The following KCND2 variants were observed in gnomAD, a reference collection of about 807,000 sequenced individuals.
KCND2 encodes the protein potassium voltage-gated channel subfamily D member 2.
In KCND2, 16 loss-of-function variants were observed where a neutral mutation model predicts 54.4. The ratio of observed to expected loss-of-function variants is 0.29; its 90% CI spans 0.20 to 0.45. KCND2 has a LOEUF of 0.45. Among genes scored for constraint, KCND2 ranks in the 20% least tolerant of loss-of-function variants. The pLI is 1.00. For missense variants in KCND2, 486 were observed against 824.2 expected, an observed-to-expected ratio of 0.59 and a Z score of 5.02; for synonymous variants, 317 against 310.7, an observed-to-expected ratio of 1.02 and a Z score of -0.21.
chr7:120,617,325 T>C (rs754029057), intron 1 of KCND2, among the ~76,000 whole-genome samples: 29 of 152,012 alleles, frequency 1.9e-4, no homozygotes, highest in Non-Finnish European at 3.4e-4. Context: ...TTTAAACCAA[T>C]CTACTCCATG....
intron 1 of KCND2, among the ~76,000 whole-genome samples, chr7:120,706,983 G>A (rs1310220864): frequency 6.6e-6 from 1 of 152,036 alleles, no homozygotes. Context: ...CAAAACACAA[G>A]CATTTTCACC....
chr7:120,517,002 G>C (rs1562861376), intron 1 of KCND2, among the ~76,000 whole-genome samples: 1 of 151,858 alleles, frequency 6.6e-6, no homozygotes, highest in East Asian at 1.9e-4. Flanking sequence ...TTTCTCCAAA[G>C]GAAACTATTT....
At chr7:120,733,100 A>G (rs766347645) in intron 2 of KCND2, 35 bp downstream of exon 2, 3 of 1,608,380 alleles carry the variant, frequency 1.9e-6, no homozygotes, top group Non-Finnish European at 2.6e-6. Flanking sequence ...ATGGTTTAGC[A>G]CTTCCCACTT....
intron 1 of KCND2, among the ~76,000 whole-genome samples, chr7:120,371,921 C>T (rs143427792): frequency 3.3e-5 from 5 of 151,982 alleles, no homozygotes; most frequent in East Asian, 3.9e-4. Flanking sequence ...TTTCTCAGAA[C>T]GTATCCCTGG....
chr7:120,736,388 C>A (rs1792870749), intron 2 of KCND2, among the ~76,000 whole-genome samples: 1 of 149,542 alleles, frequency 6.7e-6, no homozygotes, highest in Non-Finnish European at 1.5e-5. Context: ...ACTGTGACAC[C>A]TCTCCTCTAC....
chr7:120,694,074 A>T (rs1792304835), intron 1 of KCND2, among the ~76,000 whole-genome samples: 1 of 152,084 alleles, frequency 6.6e-6, no homozygotes, highest in Admixed American at 6.5e-5. Context: ...AATAGACAAA[A>T]AGGATCTTTC....
At chr7:120,617,752 C>T (rs965915216) in intron 1 of KCND2, among the ~76,000 whole-genome samples, 3 of 152,152 alleles carry the variant, frequency 2.0e-5, no homozygotes, top group African/African-American at 7.2e-5. Context: ...CCCAGGTGCT[C>T]ATCAACAGTG....
intron 1 of KCND2, among the ~76,000 whole-genome samples, chr7:120,394,486 C>T (rs988762802): frequency 1.3e-5 from 2 of 151,892 alleles, no homozygotes; most frequent in Admixed American, 6.6e-5. Context: ...CCTCTGGCCA[C>T]GTTACTGAGT....
chr7:120,657,847 CA>C (rs543124528), intron 1 of KCND2, among the ~76,000 whole-genome samples: 15 of 144,394 alleles, frequency 1.0e-4, no homozygotes, highest in Admixed American at 2.1e-4. Flanking sequence ...GACTGAATCT[CA>C]AAAAAAAAAG....
At chr7:120,355,112 A>G (rs1441351699) in intron 1 of KCND2, among the ~76,000 whole-genome samples, 1 of 152,230 alleles carries the variant, frequency 6.6e-6, no homozygotes, top group Non-Finnish European at 1.5e-5. Context: ...TCCTTGATTT[A>G]CAATGGGGCT....
Position 120,729,655 on chromosome 7 carries a change from C to A in KCND2, c.1116-3248C>A, listed in dbSNP as rs80105997. ...GAAACTCTGTGTCTCTACCCAAGAG[C>A]ATAAACGTGAGAGAAGATGTTCCCA... On this transcript the variant is annotated intron_variant, in intron 1 of 5. Coordinates refer to ENST00000331113, the MANE Select transcript of KCND2 (RefSeq NM_012281.3). Among the ~76,000 whole-genome samples the A allele has an allele frequency of 3.6e-3, 544 of 152,310 alleles. 1 individual carries two copies. Among genetic ancestry groups the A allele is most frequent in the Non-Finnish European group, 6.3e-3 (426 of 68,018 alleles).
At chr7:120,312,169 A>G (rs1799744039) in intron 1 of KCND2, among the ~76,000 whole-genome samples, 1 of 151,956 alleles carries the variant, frequency 6.6e-6, no homozygotes, top group South Asian at 2.1e-4. Context: ...GGCCTCCCAA[A>G]ATGCTGGGAT....
intron 1 of KCND2, among the ~76,000 whole-genome samples, chr7:120,720,039 T>C (rs963168991): frequency 3.3e-5 from 5 of 152,182 alleles, no homozygotes; most frequent in Admixed American, 6.6e-5. Flanking sequence ...TCTAACACTT[T>C]TTTTCTCACT....
intron 1 of KCND2, among the ~76,000 whole-genome samples, chr7:120,674,730 A>G (rs1366199648): frequency 2.6e-5 from 4 of 152,242 alleles, no homozygotes; most frequent in Non-Finnish European, 5.9e-5. Context: ...GCAGTTTCAC[A>G]AACATCTAAT....
intron 1 of KCND2, among the ~76,000 whole-genome samples, chr7:120,692,470 A>G (rs1282462353): frequency 6.6e-6 from 1 of 152,188 alleles, no homozygotes; most frequent in Non-Finnish European, 1.5e-5. Flanking sequence ...AAACTACATT[A>G]TGTTGATGTA....
intron 1 of KCND2, among the ~76,000 whole-genome samples, chr7:120,589,072 A>C (rs1318731221): frequency 6.6e-6 from 1 of 152,222 alleles, no homozygotes; most frequent in Non-Finnish European, 1.5e-5. Flanking sequence ...GACAAATATT[A>C]TGTAACCCTA....
At chr7:120,474,520 CTT>C (rs746574292) in intron 1 of KCND2, among the ~76,000 whole-genome samples, 8 of 140,832 alleles carry the variant, frequency 5.7e-5, no homozygotes, top group African/African-American at 5.2e-5. Context: ...TTTTTCTTTA[CTT>C]TTTTTTTTTT....
chr7:120,361,879 C>A (rs559186887), intron 1 of KCND2, among the ~76,000 whole-genome samples: 117 of 152,154 alleles, frequency 7.7e-4, no homozygotes, highest in African/African-American at 2.7e-3. Context: ...CAGGCTATTT[C>A]TGTACTGTCA....
intron 1 of KCND2, among the ~76,000 whole-genome samples, chr7:120,555,908 C>T (rs1426463559): frequency 6.6e-6 from 1 of 152,070 alleles, no homozygotes; most frequent in Admixed American, 6.6e-5. Context: ...TCAAATTAAA[C>T]AAAATGCATT....
Sources: allele counts gnomAD v4.1 joint callset (sites outside exome capture counted in the v4.1 genomes callset), GRCh38; gene constraint gnomAD v4.1.1; transcripts MANE v1.5; gene names NCBI Gene and HGNC (gene_info 2026-07-23, HGNC 2026-07-21).